LRBA: variants seen among roughly 807,000 people sequenced by gnomAD.
LRBA encodes the protein LPS responsive beige-like anchor protein.
LRBA carries 176 observed loss-of-function variants against 330.0 expected under a neutral mutation model. That is an observed-to-expected ratio of 0.53 (90% CI 0.47 to 0.60). The LOEUF (loss-of-function observed/expected upper bound fraction) is 0.60. LRBA is among the 20% of genes least tolerant of loss of function. The probability of loss-of-function intolerance (pLI) is 0.00; values close to 1 mark genes in which losing one functional copy is unlikely to be tolerated. For missense variants in LRBA, 3,259 were observed against 3,444.8 expected, an observed-to-expected ratio of 0.95 and a Z score of 1.35; for synonymous variants, 1,230 against 1,193.0, an observed-to-expected ratio of 1.03 and a Z score of -0.64.
intron 33 of LRBA, 152 bp downstream of exon 33, chr4:150,806,119 T>C: frequency 4.3e-6 from 2 of 469,092 alleles, no homozygotes; most frequent in East Asian, 3.6e-5. Flanking sequence ...ATAATAGACA[T>C]GTGACACAGT....
chr4:150,592,533 T>G (rs1031688545), intron 38 of LRBA, among the ~76,000 whole-genome samples: 10 of 152,182 alleles, frequency 6.6e-5, no homozygotes, highest in Admixed American at 4.6e-4. Context: ...AATAAAATCT[T>G]TCATACTCAC....
At position 150,422,034 on chromosome 4, in the gene LRBA, G is replaced by C. The variant is rs534407421; in HGVS notation, c.7042-6444C>G. Among the ~76,000 whole-genome samples, 4 of 152,292 alleles carry C rather than the reference G, an allele frequency of 2.6e-5. No homozygotes were observed. In the East Asian group the frequency reaches 7.7e-4, roughly 29 times the overall value. ...ACATTTTGGGAGGCCAAGGTGGGAG[G>C]ACTGATTGAGTGCAGGAGTTCAAGA... On this transcript the variant is annotated intron_variant, in intron 46 of 56. Coordinates refer to ENST00000651943, the MANE Select transcript of LRBA (RefSeq NM_001364905.1).
intron 52 of LRBA, among the ~76,000 whole-genome samples, chr4:150,308,838 A>G (rs1268457452): frequency 1.3e-5 from 2 of 152,230 alleles, no homozygotes; most frequent in Non-Finnish European, 2.9e-5. Context: ...ATGTGTTATT[A>G]CAAGAATTGA....
chr4:150,615,529 A>G (rs554580554), intron 37 of LRBA, among the ~76,000 whole-genome samples: 4 of 152,196 alleles, frequency 2.6e-5, no homozygotes, highest in Non-Finnish European at 5.9e-5. Flanking sequence ...CTAACAGATC[A>G]TATATGGGAT....
chr4:150,548,082 T>C lies in LRBA; in HGVS notation c.6330+39966A>G, dbSNP rs374267350. On this transcript the variant is annotated intron_variant, in intron 40 of 56. Coordinates refer to ENST00000651943, the MANE Select transcript of LRBA (RefSeq NM_001364905.1). ...GAATATGCTTTAATCAATTAAGTCC[T>C]GTACGTTATATTTGTGCAGCCTTAA... 4.6e-5 allele frequency among the ~76,000 whole-genome samples: 7 copies of C among 152,326 alleles called. No individual in the cohort carries two copies. In the South Asian group the frequency reaches 1.4e-3, roughly 32 times the overall value.
intron 48 of LRBA, among the ~76,000 whole-genome samples, chr4:150,329,723 T>G (rs1185683761): frequency 6.6e-6 from 1 of 152,220 alleles, no homozygotes; most frequent in East Asian, 1.9e-4. Flanking sequence ...AGCACATGTA[T>G]GTCTTAGCAC....
intron 4 of LRBA, among the ~76,000 whole-genome samples, chr4:150,921,875 G>A (rs1368718346): frequency 1.3e-5 from 2 of 152,184 alleles, no homozygotes; most frequent in African/African-American, 2.4e-5. Context: ...ACAGGTGCAC[G>A]CCACCACACC....
At chr4:150,427,688 T>A (rs1365561492) in intron 46 of LRBA, among the ~76,000 whole-genome samples, 2 of 152,076 alleles carry the variant, frequency 1.3e-5, no homozygotes, top group Non-Finnish European at 2.9e-5. Flanking sequence ...CAGCATTTTT[T>A]AAAACTCTAA....
intron 17 of LRBA, among the ~76,000 whole-genome samples, chr4:150,887,768 C>CA (rs33950813): frequency 9.2e-4 from 76 of 82,180 alleles, no homozygotes; most frequent in East Asian, 2.6e-3. Context: ...GACTCCGTCT[C>CA]AAAAAAAAAA....
chr4:150,335,000 T>C (rs1322470729), intron 48 of LRBA, among the ~76,000 whole-genome samples: 5 of 151,938 alleles, frequency 3.3e-5, no homozygotes, highest in Non-Finnish European at 7.4e-5. Context: ...TGGCTAAATT[T>C]TGTATTTTTA....
intron 36 of LRBA, among the ~76,000 whole-genome samples, chr4:150,730,790 G>A (rs1002603139): frequency 6.6e-6 from 1 of 152,012 alleles, no homozygotes; most frequent in African/African-American, 2.4e-5. Flanking sequence ...GGCTGATGAA[G>A]GCAGATCACT....
At chr4:150,673,046 T>C (rs1660227001) in intron 37 of LRBA, among the ~76,000 whole-genome samples, 1 of 152,132 alleles carries the variant, frequency 6.6e-6, no homozygotes. Flanking sequence ...GGATTCTGAG[T>C]CTTGGCTTTG....
intron 22 of LRBA, 124 bp from the exon 23 acceptor site, chr4:150,853,067 A>G: frequency 4.4e-6 from 2 of 451,828 alleles, no homozygotes; most frequent in Non-Finnish European, 3.7e-6. Flanking sequence ...ATTTTCCTAT[A>G]TTTTATTTTA....
At chr4:150,423,710 GC>G in intron 46 of LRBA, 1 of 191,370 alleles carries the variant, frequency 5.2e-6, no homozygotes, top group Non-Finnish European at 1.1e-5. Flanking sequence ...AGCAGCTCCA[GC>G]ACCAGGCAGA....
intron 37 of LRBA, among the ~76,000 whole-genome samples, chr4:150,659,862 GCC>G (rs1224066613): frequency 9.7e-6 from 1 of 103,466 alleles, no homozygotes; most frequent in Non-Finnish European, 2.2e-5. Flanking sequence ...GGGGGGGTCA[GCC>G]CCCCCACCCG....
intron 31 of LRBA, among the ~76,000 whole-genome samples, chr4:150,809,894 CG>C (rs1411894974): frequency 5.5e-4 from 82 of 150,074 alleles, no homozygotes; most frequent in African/African-American, 1.9e-3. Flanking sequence ...CGATACGATA[CG>C]ATACGATACG....
chr4:150,827,945 A>C (rs578058954), intron 30 of LRBA, among the ~76,000 whole-genome samples: 1 of 152,132 alleles, frequency 6.6e-6, no homozygotes, highest in South Asian at 2.1e-4. Context: ...TTTCTAGCTT[A>C]CCTTACTGTA....
intron 44 of LRBA, among the ~76,000 whole-genome samples, chr4:150,455,732 G>A (rs1416527869): frequency 3.9e-5 from 6 of 151,934 alleles, no homozygotes; most frequent in Non-Finnish European, 8.8e-5. Flanking sequence ...TCACCCTGTT[G>A]TGCTATCAAA....
rs572995901 is a variant in LRBA at position 150,710,313 on chromosome 4, G to A, written c.5754+24945C>T. 2.6e-5 allele frequency among the ~76,000 whole-genome samples: 4 copies of A among 152,178 alleles called. No homozygotes were observed. The South Asian group carries it at 6.2e-4, about 24-fold the overall frequency. ...TGATATTTCTCAGATGGGAAAAAAT[G>A]GAGGAGTAGTTAACAGGGGAATATA... On this transcript the variant is annotated intron_variant, in intron 36 of 56. Transcript: ENST00000651943.
Sources: allele counts gnomAD v4.1 joint callset (sites outside exome capture counted in the v4.1 genomes callset), GRCh38; gene constraint gnomAD v4.1.1; transcripts MANE v1.5; gene names NCBI Gene and HGNC (gene_info 2026-07-23, HGNC 2026-07-21).